SDK1: variants seen among roughly 807,000 people sequenced by gnomAD.
SDK1 encodes protein sidekick-1.
Under a neutral mutation model 245.5 loss-of-function variants are expected in SDK1, and 157 were observed. That is an observed-to-expected ratio of 0.64 (90% confidence interval 0.56 to 0.73). SDK1 has a LOEUF of 0.73. SDK1 is among the 30% of genes least tolerant of loss of function. SDK1 has a pLI of 0.00. For missense variants in SDK1, 3,583 were observed against 3,002.3 expected, an observed-to-expected ratio of 1.19 and a Z score of -4.52; for synonymous variants, 1,647 against 1,278.5, an observed-to-expected ratio of 1.29 and a Z score of -6.15.
At chr7:3,571,387 C>G (rs1218472084) in intron 1 of SDK1, among the ~76,000 whole-genome samples, 2 of 152,014 alleles carry the variant, frequency 1.3e-5, no homozygotes, top group African/African-American at 2.4e-5. Context: ...ACTGTAACCT[C>G]AAACTCCTGG....
intron 1 of SDK1, among the ~76,000 whole-genome samples, chr7:3,376,314 A>C (rs11983341): frequency 0.09 from 13,703 of 152,250 alleles, 877 homozygotes; most frequent in African/African-American, 0.17. Context: ...TTTCCTAACT[A>C]TGAATATGCA....
chr7:4,174,771 A>AC (rs1050648861), intron 33 of SDK1, among the ~76,000 whole-genome samples: 1 of 151,786 alleles, frequency 6.6e-6, no homozygotes, highest in Admixed American at 6.6e-5. Context: ...CATGGTGCTC[A>AC]CCCCCGGGCT....
At chr7:3,945,199 G>C (rs971165234) in intron 5 of SDK1, among the ~76,000 whole-genome samples, 3 of 152,180 alleles carry the variant, frequency 2.0e-5, no homozygotes, top group Non-Finnish European at 4.4e-5. Context: ...TAGATGAACA[G>C]ACAAACAGAA....
intron 28 of SDK1, 163 bp downstream of exon 28, chr7:4,132,586 G>C (rs1207250103): frequency 1.8e-6 from 1 of 561,714 alleles, no homozygotes; most frequent in Non-Finnish European, 3.3e-6. Context: ...TATTAGCCGG[G>C]CATGATGGCA....
chr7:3,711,665 G>T (rs1244314273), intron 4 of SDK1, among the ~76,000 whole-genome samples: 1 of 152,202 alleles, frequency 6.6e-6, no homozygotes, highest in Non-Finnish European at 1.5e-5. Flanking sequence ...TCAAGAAACA[G>T]GAAGAAAATG....
intron 35 of SDK1, among the ~76,000 whole-genome samples, chr7:4,191,141 G>C (rs1380812411): frequency 6.6e-6 from 1 of 152,126 alleles, no homozygotes; most frequent in Non-Finnish European, 1.5e-5. Context: ...GGGACTCTGA[G>C]GTCCTGCCAG....
intron 14 of SDK1, among the ~76,000 whole-genome samples, chr7:4,001,481 C>T (rs552658750): frequency 1.3e-4 from 20 of 152,368 alleles, no homozygotes; most frequent in African/African-American, 4.6e-4. Context: ...CTGGAGGCCA[C>T]AGTGCCCTGG....
rs370184061 is a variant in SDK1 at position 4,214,203 on chromosome 7, A to T, written c.5539+4041A>T. Among the ~76,000 whole-genome samples the T allele has an allele frequency of 5.9e-5, 9 of 152,334 alleles. 1 individual carries two copies. The South Asian group carries it at 1.9e-3, about 32-fold the overall frequency. On this transcript the variant is annotated intron_variant, in intron 38 of 44. Coordinates refer to ENST00000404826, the MANE Select transcript of SDK1 (RefSeq NM_152744.4). Reference sequence around the variant, plus strand: ...AGGCCTAAACTGCTCCATGATGGGCAGAAAGCGTCTGGAGCACTTGTGTTT... The same window carrying T: ...AGGCCTAAACTGCTCCATGATGGGCTGAAAGCGTCTGGAGCACTTGTGTTT...
chr7:3,860,488 TTTAAGAAGTTTGA>T (rs1161928462), intron 5 of SDK1, among the ~76,000 whole-genome samples: 1 of 152,194 alleles, frequency 6.6e-6, no homozygotes, highest in Non-Finnish European at 1.5e-5. Flanking sequence ...TTGTCAAACA[TTTAAGAAGTTTGA>T]TAATATCAAG....
intron 2 of SDK1, among the ~76,000 whole-genome samples, chr7:3,625,062 A>G (rs1782071857): frequency 1.3e-5 from 2 of 152,144 alleles, no homozygotes; most frequent in Non-Finnish European, 1.5e-5. Flanking sequence ...TAAATTATAT[A>G]TATATTCAAA....
chr7:3,532,540 G>A (rs1466291620), intron 1 of SDK1, among the ~76,000 whole-genome samples: 1 of 152,154 alleles, frequency 6.6e-6, no homozygotes. Context: ...CACACACTAA[G>A]TAGTGATGGA....
intron 1 of SDK1, among the ~76,000 whole-genome samples, chr7:3,593,676 C>T (rs2128636306): frequency 6.6e-6 from 1 of 152,174 alleles, no homozygotes; most frequent in Admixed American, 6.5e-5. Flanking sequence ...TGGATGATTC[C>T]CCTCCAATCT....
chr7:3,677,909 T>A (rs773080587), intron 4 of SDK1, among the ~76,000 whole-genome samples: 1 of 152,180 alleles, frequency 6.6e-6, no homozygotes, highest in South Asian at 2.1e-4. Context: ...GAGGCTGATG[T>A]CCAGAATGTG....
chr7:3,770,926 C>G (rs1037663073), intron 4 of SDK1, among the ~76,000 whole-genome samples: 1 of 152,132 alleles, frequency 6.6e-6, no homozygotes, highest in Admixed American at 6.5e-5. Flanking sequence ...CCATCTTCCT[C>G]CAGTCCTGGG....
chr7:3,572,251 C>T (rs1014563008), intron 1 of SDK1, among the ~76,000 whole-genome samples: 46 of 152,074 alleles, frequency 3.0e-4, no homozygotes, highest in African/African-American at 1.1e-3. Flanking sequence ...CTTTGTCAGA[C>T]CTTTAGTTTG....
rs755425959 is a variant in SDK1, at chr7:4,049,490, G to T, written c.2718+27G>T. ...TACGTGGCCTGGGTTCAGGGCCTGT[G>T]GGCAGCTGTCATTGTCTGGAGCCAC... On this transcript the variant is annotated intron_variant, in intron 18 of 44. Coordinates refer to ENST00000404826, the MANE Select transcript of SDK1 (RefSeq NM_152744.4). 6.5e-6 allele frequency: 10 copies of T among 1,547,828 alleles called. No homozygotes were observed. The Admixed American group carries it at 1.5e-4, about 23-fold the overall frequency.
chr7:3,910,051 G>T (rs1457916670), intron 5 of SDK1, among the ~76,000 whole-genome samples: 1 of 152,198 alleles, frequency 6.6e-6, no homozygotes, highest in Non-Finnish European at 1.5e-5. Context: ...TCACTTTTTG[G>T]AGAGGCTGAT....
At chr7:3,929,623 C>G (rs1205105749) in intron 5 of SDK1, among the ~76,000 whole-genome samples, 1 of 152,068 alleles carries the variant, frequency 6.6e-6, no homozygotes, top group Non-Finnish European at 1.5e-5. Flanking sequence ...GAAGTGTTAT[C>G]TTTTGTAATA....
chr7:3,562,254 C>T (rs1199572841), intron 1 of SDK1, among the ~76,000 whole-genome samples: 2 of 152,210 alleles, frequency 1.3e-5, no homozygotes, highest in African/African-American at 4.8e-5. Context: ...AATAACCTGC[C>T]ATCATCAGCT....
Sources: gnomAD v4.1 joint callset for allele counts (sites outside exome capture counted in the v4.1 genomes callset) on GRCh38, gnomAD v4.1.1 for gene constraint, MANE v1.5 for transcripts, NCBI Gene and HGNC (gene_info 2026-07-23, HGNC 2026-07-21) for gene names.